The following SETDB1 variants were observed in gnomAD, a reference collection of about 807,000 sequenced individuals.
SETDB1 encodes the protein histone-lysine N-methyltransferase SETDB1.
Under a neutral mutation model 137.4 loss-of-function variants are expected in SETDB1, and 31 were observed. That is an observed-to-expected ratio of 0.23 (90% CI 0.17 to 0.30). SETDB1 has a LOEUF of 0.30. Among genes scored for constraint, SETDB1 ranks in the 10% least tolerant of loss-of-function variants. SETDB1 has a pLI of 1.00. For missense variants in SETDB1, 1,113 were observed against 1,631.5 expected, an observed-to-expected ratio of 0.68 and a Z score of 5.47; for synonymous variants, 548 against 579.9, an observed-to-expected ratio of 0.95 and a Z score of 0.79.
intron 10 of SETDB1, among the ~76,000 whole-genome samples, chr1:150,947,374 G>A (rs1670361332): frequency 6.6e-6 from 1 of 151,586 alleles, no homozygotes; most frequent in Non-Finnish European, 1.5e-5. Context: ...ACCCAGGCTG[G>A]TCTTGAACTC....
chr1:150,959,348 G>A lies in SETDB1; in HGVS notation c.2503+1G>A. ...GGCTCTTTTGTTTGTATTTATGCAG[G>A]TTGGTGATAAAATATAAGGGTTGTT... On this transcript the variant is annotated splice_donor_variant, in intron 15 of 21. Coordinates refer to ENST00000692827, the MANE Select transcript of SETDB1 (RefSeq NM_001366418.1). LOFTEE classifies it high-confidence loss of function. 6.2e-7 allele frequency: 1 copy of A among 1,600,552 alleles called. No individual in the cohort carries two copies. Among genetic ancestry groups the A allele is most frequent in the Non-Finnish European group, 8.5e-7 (1 of 1,175,038 alleles).
At chr1:150,954,088 T>C (rs1360775244) in intron 14 of SETDB1, among the ~76,000 whole-genome samples, 1 of 152,038 alleles carries the variant, frequency 6.6e-6, no homozygotes, top group Non-Finnish European at 1.5e-5. Context: ...TCTCCTGACC[T>C]CATGATCCGT....
At chr1:150,954,694 C>G (rs1049564514) in intron 14 of SETDB1, among the ~76,000 whole-genome samples, 2 of 152,184 alleles carry the variant, frequency 1.3e-5, no homozygotes, top group African/African-American at 4.8e-5. Context: ...AGCTAGATAG[C>G]AATTGGAGAA....
chr1:150,937,726 A>G (rs1669990059), intron 3 of SETDB1, among the ~76,000 whole-genome samples: 1 of 152,238 alleles, frequency 6.6e-6, no homozygotes, highest in African/African-American at 2.4e-5. Context: ...TAGAATTACC[A>G]TAACCCACCC....
chr1:150,953,999 C>T (rs1028651410), intron 14 of SETDB1, among the ~76,000 whole-genome samples: 2 of 151,868 alleles, frequency 1.3e-5, no homozygotes, highest in African/African-American at 4.8e-5. Flanking sequence ...GGACTACAGT[C>T]GCCCACCACC....
chr1:150,960,535 G>T (rs896265834), intron 15 of SETDB1, 28 bp from the exon 16 acceptor site: 2 of 1,529,514 alleles, frequency 1.3e-6, no homozygotes, highest in Non-Finnish European at 1.8e-6. Context: ...CATAACCCTA[G>T]AAGGCCTTTA....
chr1:150,943,172 C>A, intron 7 of SETDB1, 119 bp downstream of exon 7: 1 of 677,756 alleles, frequency 1.5e-6, no homozygotes, highest in Non-Finnish European at 2.6e-6. Flanking sequence ...TGGACTGAAA[C>A]CCTTACTCTT....
In SETDB1 at chr1:150,962,121, C is replaced by T; in HGVS notation, c.3133-9C>T. On this transcript the variant is annotated splice_polypyrimidine_tract_variant and intron_variant, in intron 16 of 21. Coordinates refer to ENST00000692827, the MANE Select transcript of SETDB1 (RefSeq NM_001366418.1). ...GAAAGCATTTAACCCTTCACTTGTT[C>T]TTTTCCAGGACACTGACGACCGAAA... 6.2e-7 allele frequency: 1 copy of T among 1,614,096 alleles called. No individual in the cohort carries two copies.
At chr1:150,938,442 A>G (rs1045687225) in intron 3 of SETDB1, among the ~76,000 whole-genome samples, 2 of 151,976 alleles carry the variant, frequency 1.3e-5, no homozygotes, top group African/African-American at 4.8e-5. Context: ...ATTCTTCATC[A>G]CTCCAGAATT....
Position 150,927,914 on chromosome 1 carries a change from G to T in SETDB1, c.200G>T (p.Trp67Leu). 6.2e-7 allele frequency: 1 copy of T among 1,614,180 alleles called. No individual in the cohort carries two copies. ...AAGCAGCTAGCAGAGTTAGAGACAT[G>T]GGTAATACAGAAAGAATCTGAGGTG... Reference protein sequence around the residue: ...RKKQLAELETWVIQKESEVAH... With the variant: ...RKKQLAELETLVIQKESEVAH... The change falls in exon 2 of 22, where the codon TGG becomes TTG. Residue 67 changes from tryptophan (W) to leucine (L), a missense_variant. Physicochemically the swap from Trp to Leu is moderately conservative, Grantham distance 61. This residue lies in a region of SETDB1 where 159 missense variants were observed against 188.6 expected (regional missense o/e 0.84). Transcript: ENST00000692827.
chr1:150,944,568 T>C (rs1235347857), intron 8 of SETDB1, among the ~76,000 whole-genome samples: 1 of 152,232 alleles, frequency 6.6e-6, no homozygotes, highest in Non-Finnish European at 1.5e-5. Flanking sequence ...GACTAATTTT[T>C]TTCATTTCAT....
Position 150,930,084 on chromosome 1 carries a change from TGATGAA to T in SETDB1, c.384_389del (p.Glu128_Asp129del), listed in dbSNP as rs1669677129. 6.2e-7 allele frequency: 1 copy of T among 1,613,920 alleles called. No individual in the cohort carries two copies. The highest frequency in any genetic ancestry group is 1.1e-5 in the South Asian group (1 of 91,084). On this transcript the variant is annotated inframe_deletion, in exon 3 of 22. Transcript: ENST00000692827. ...GGCCTACAGAAATAATTGAGATTCC[TGATGAA>T]GATGATGATGTCCTCAGTATTGATT...
intron 20 of SETDB1, 83 bp downstream of exon 20, chr1:150,963,824 C>A (rs1455222867): frequency 4.2e-6 from 6 of 1,426,190 alleles, no homozygotes; most frequent in African/African-American, 2.8e-5. Flanking sequence ...AAGCCCTTTT[C>A]TTGTTATAAA....
At chr1:150,946,856 T>G in intron 9 of SETDB1, 30 bp from the exon 10 acceptor site, 1 of 1,613,430 alleles carries the variant, frequency 6.2e-7, no homozygotes, top group Non-Finnish European at 8.5e-7. Context: ...TTAAGCTATT[T>G]CCCTTCATTC....
At chr1:150,941,185 C>A in intron 4 of SETDB1, 144 bp from the exon 5 acceptor site, 2 of 567,636 alleles carry the variant, frequency 3.5e-6, no homozygotes, top group Non-Finnish European at 6.5e-6. Context: ...GTAAGGGCAG[C>A]TTTGCCAGAT....
chr1:150,963,489 G>C (rs746596577), intron 19 of SETDB1, 41 bp from the exon 20 acceptor site: 2 of 1,474,052 alleles, frequency 1.4e-6, no homozygotes, highest in South Asian at 2.5e-5. Context: ...GTCTGTTCAT[G>C]AGTTGGGATG....
rs1327779494 is a variant in SETDB1, at chr1:150,949,166, C to T, written c.1312C>T (p.Leu438=). The change falls in exon 11 of 22, where the codon CTG becomes TTG. Residue 438 remains leucine (L), a synonymous_variant. Transcript: ENST00000692827. ...CCCTGTTGTCCAGTACACACAGGAT[C>T]TGACCGGTACTGGAACCCAGTTCAA... ...KGPVVQYTQD[L]TGTGTQFKPV... is the part of the protein sequence containing the mutation. 1.2e-6 allele frequency: 2 copies of T among 1,614,104 alleles called. No individual in the cohort carries two copies. Among genetic ancestry groups the T allele is most frequent in the Non-Finnish European group, 1.7e-6 (2 of 1,180,012 alleles).
intron 5 of SETDB1, among the ~76,000 whole-genome samples, chr1:150,941,907 C>T (rs142449889): frequency 1.6e-3 from 237 of 152,000 alleles, no homozygotes; most frequent in African/African-American, 5.5e-3. Context: ...TTTGGGAGGC[C>T]GAGGTGGGCG....
chr1:150,957,865 G>A (rs928878986), intron 14 of SETDB1, among the ~76,000 whole-genome samples: 3 of 151,896 alleles, frequency 2.0e-5, no homozygotes, highest in African/African-American at 7.3e-5. Context: ...CACTGCGCCT[G>A]GCCCAAATTC....
Sources: allele counts gnomAD v4.1 joint callset (sites outside exome capture counted in the v4.1 genomes callset), GRCh38; gene constraint gnomAD v4.1.1; regional missense constraint gnomAD v4.1.1; transcripts MANE v1.5; gene names NCBI Gene and HGNC (gene_info 2026-07-23, HGNC 2026-07-21).